UGP2: variants seen among roughly 807,000 people sequenced by gnomAD.
UGP2 encodes the protein UDP-glucose pyrophosphorylase 2.
UGP2 carries 40 observed loss-of-function variants against 49.0 expected under a neutral mutation model. That is an observed-to-expected ratio of 0.82 (90% CI 0.63 to 1.06). The LOEUF (loss-of-function observed/expected upper bound fraction) is 1.06. UGP2 is among the 50% of genes least tolerant of loss of function. UGP2 has a pLI of 0.00. For missense variants in UGP2, 460 were observed against 603.5 expected, an observed-to-expected ratio of 0.76 and a Z score of 2.49; for synonymous variants, 225 against 213.0, an observed-to-expected ratio of 1.06 and a Z score of -0.49.
chr2:63,882,451 T>G lies in UGP2; in HGVS notation c.256-15T>G, dbSNP rs971049534. 6.4e-7 allele frequency: 1 copy of G among 1,556,330 alleles called. No homozygotes were observed. The highest frequency in any genetic ancestry group is 1.4e-5 in the African/African-American group (1 of 73,894). The stretch of plus-strand genomic sequence containing the variant: ...AGCTGTTTAAATTACTCCTATAATG[T>G]TATTTTTCTTTCAGATTCAACCCTA... On this transcript the variant is annotated splice_polypyrimidine_tract_variant and intron_variant, in intron 3 of 9. Coordinates refer to ENST00000337130, the MANE Select transcript of UGP2 (RefSeq NM_006759.4).
chr2:63,864,772 C>T (rs556957112), intron 3 of UGP2, among the ~76,000 whole-genome samples: 2 of 152,268 alleles, frequency 1.3e-5, no homozygotes, highest in African/African-American at 4.8e-5. Context: ...AGAGCAGGCT[C>T]CATTCCTTCC....
chr2:63,852,123 A>G (rs1260265702), intron 1 of UGP2, among the ~76,000 whole-genome samples: 1 of 141,422 alleles, frequency 7.1e-6, no homozygotes, highest in Non-Finnish European at 1.5e-5. Flanking sequence ...GCCTGGTGCC[A>G]TCTCTGAAAC....
chr2:63,857,301 A>C (rs1350720869), intron 2 of UGP2, among the ~76,000 whole-genome samples: 2 of 139,006 alleles, frequency 1.4e-5, no homozygotes, highest in Non-Finnish European at 3.1e-5. Context: ...ACTCTGTCTC[A>C]AAAAAAAAAA....
intron 5 of UGP2, among the ~76,000 whole-genome samples, chr2:63,885,369 G>A (rs1463455020): frequency 6.6e-6 from 1 of 152,048 alleles, no homozygotes; most frequent in Non-Finnish European, 1.5e-5. Context: ...TATGACCATA[G>A]AGACATGTTT....
chr2:63,857,300 CAAA>C (rs1403972100), intron 2 of UGP2, among the ~76,000 whole-genome samples: 8 of 109,964 alleles, frequency 7.3e-5, no homozygotes, highest in Non-Finnish European at 3.9e-5. Flanking sequence ...GACTCTGTCT[CAAA>C]AAAAAAAAAA....
intron 3 of UGP2, among the ~76,000 whole-genome samples, chr2:63,873,781 C>T (rs1220886152): frequency 3.9e-5 from 6 of 152,116 alleles, no homozygotes; most frequent in Non-Finnish European, 8.8e-5. Flanking sequence ...ACCCTATCTT[C>T]CGCTTAGGAT....
chr2:63,864,103 T>G (rs1350255663), intron 3 of UGP2, among the ~76,000 whole-genome samples: 1 of 152,234 alleles, frequency 6.6e-6, no homozygotes, highest in East Asian at 1.9e-4. Context: ...TATGCAAAGC[T>G]CTATATTCTG....
Position 63,842,172 on chromosome 2 carries a change from A to G in UGP2, c.-14A>G. 6.3e-7 allele frequency: 1 copy of G among 1,584,084 alleles called. No individual in the cohort carries two copies. The highest frequency in any genetic ancestry group is 8.5e-7 in the Non-Finnish European group (1 of 1,172,100). ...AAAAAAAAAAAAGCCGGAGTATTTT[A>G]CTAAGCCCCTAAAATGTCGAGATTT... On this transcript the variant is annotated 5_prime_UTR_variant, in exon 1 of 10. Transcript: ENST00000337130.
At chr2:63,843,005 T>C (rs992968657) in intron 1 of UGP2, among the ~76,000 whole-genome samples, 7 of 152,292 alleles carry the variant, frequency 4.6e-5, no homozygotes, top group Non-Finnish European at 8.8e-5. Context: ...GTAAACTCTT[T>C]CCTTGTAGAC....
chr2:63,846,901 A>G (rs1218815693), intron 1 of UGP2, among the ~76,000 whole-genome samples: 2 of 152,246 alleles, frequency 1.3e-5, no homozygotes, highest in African/African-American at 2.4e-5. Context: ...AAGATTTATT[A>G]TATTATTTGA....
chr2:63,870,494 A>T (rs996103279), intron 3 of UGP2, among the ~76,000 whole-genome samples: 3 of 152,288 alleles, frequency 2.0e-5, no homozygotes, highest in East Asian at 3.9e-4. Context: ...GTTTTCTTTC[A>T]TCAAACTTGT....
At chr2:63,858,789 G>T (rs528345530) in intron 3 of UGP2, among the ~76,000 whole-genome samples, 1 of 151,980 alleles carries the variant, frequency 6.6e-6, no homozygotes, top group Non-Finnish European at 1.5e-5. Context: ...TGTTGTTTAA[G>T]AAAATAAGTA....
intron 3 of UGP2, among the ~76,000 whole-genome samples, chr2:63,866,606 G>A (rs371042229): frequency 1.3e-5 from 2 of 152,254 alleles, no homozygotes; most frequent in African/African-American, 4.8e-5. Flanking sequence ...AGATACTCCA[G>A]GTTTAAGAGA....
chr2:63,861,659 G>T (rs1327554475), intron 3 of UGP2, among the ~76,000 whole-genome samples: 1 of 140,620 alleles, frequency 7.1e-6, no homozygotes, highest in African/African-American at 2.7e-5. Context: ...CTGCACTCCA[G>T]CCTGGGCAAC....
In UGP2 at chr2:63,890,188, A is replaced by G. The variant is rs771576940; in HGVS notation, c.1419+3A>G. 2 of 1,587,180 alleles carry G rather than the reference A, an allele frequency of 1.3e-6. No homozygotes were observed. The highest frequency in any genetic ancestry group is 2.2e-5 in the East Asian group (1 of 44,586). ...TTGGAAAAAATGTTTCATTAAAGGTATGTTGTTACAATGAAAATTATATTT... is the reference window on the plus strand; with the variant it reads ...TTGGAAAAAATGTTTCATTAAAGGTGTGTTGTTACAATGAAAATTATATTT... On this transcript the variant is annotated splice_donor_region_variant and intron_variant, in intron 9 of 9. Coordinates refer to ENST00000337130, the MANE Select transcript of UGP2 (RefSeq NM_006759.4).
chr2:63,882,837 G>A (rs1671408869), intron 4 of UGP2, 186 bp downstream of exon 4: 1 of 467,854 alleles, frequency 2.1e-6, no homozygotes. Context: ...TTATGTAAAG[G>A]CTTTTGATCT....
In UGP2 at chr2:63,886,483, T is replaced by G; in HGVS notation, c.1016T>G (p.Val339Gly). The part of the protein sequence containing the change: ...TNNLWISLAA[V>G]KRLQEQNAID... ...AACCTATGGATTTCTCTTGCAGCAG[T>G]TAAAAGACTGCAGGAGCAAAATGCC... Residue 339 changes from valine (V) to glycine (G), a missense_variant, in exon 7 of 10, where the codon GTT (valine) becomes GGT (glycine). By Grantham distance (109) the Val-to-Gly change is moderately radical. Transcript: ENST00000337130. 1.9e-6 allele frequency: 3 copies of G among 1,614,180 alleles called. No homozygotes were observed. Among genetic ancestry groups the G allele is most frequent in the Non-Finnish European group, 2.5e-6 (3 of 1,180,012 alleles).
Position 63,842,031 on chromosome 2 carries a change from A to T in UGP2, c.-155A>T. 1.2e-6 allele frequency: 1 copy of T among 832,272 alleles called. No homozygotes were observed. The highest frequency in any genetic ancestry group is 1.7e-6 in the Non-Finnish European group (1 of 585,890). The allele number at this position is 832,272 out of a possible 1,614,324, so 51.6% of individuals were successfully genotyped here. A position where few individuals can be genotyped will look rare whatever the true frequency, so the allele number is the denominator to read the frequency against. On this transcript the variant is annotated 5_prime_UTR_variant, in exon 1 of 10. Transcript: ENST00000337130. ...TTTTCTTTTTTCTTGAGCCAGTTTT[A>T]ATCGCTTTGAATAAATACTCCCTTA...
intron 1 of UGP2, chr2:63,855,692 C>T (rs1011812534): frequency 2.3e-6 from 1 of 437,904 alleles, no homozygotes; most frequent in Non-Finnish European, 4.6e-6. Context: ...CAGACAAGCG[C>T]CACCACACCT....
Sources: gnomAD v4.1 joint callset for allele counts (sites outside exome capture counted in the v4.1 genomes callset) on GRCh38, gnomAD v4.1.1 for gene constraint, MANE v1.5 for transcripts, NCBI Gene and HGNC (gene_info 2026-07-23, HGNC 2026-07-21) for gene names.